Variants in LMBRD1 observed in about 807,000 individuals in gnomAD.
The protein encoded by LMBRD1 is LMBR1 domain containing 1.
A neutral mutation model predicts 74.8 loss-of-function variants in LMBRD1; 64 were observed. That is an observed-to-expected ratio of 0.86 (90% confidence interval 0.70 to 1.05). LMBRD1 has a LOEUF of 1.05. Among genes scored for constraint, LMBRD1 ranks in the 50% least tolerant of loss-of-function variants. The pLI, the probability that LMBRD1 is intolerant of heterozygous loss-of-function variation, is 0.00. For missense variants in LMBRD1, 652 were observed against 645.9 expected (o/e 1.01, Z -0.10); for synonymous variants, 204 against 216.3 (o/e 0.94, Z 0.50).
chr6:69,676,259 C>T lies in LMBRD1; in HGVS notation c.1522G>A (p.Gly508Arg), dbSNP rs970235380. The T allele has an allele frequency of 4.3e-6, 7 of 1,612,776 alleles. No individual in the cohort carries two copies. The highest frequency in any genetic ancestry group is 5.9e-6 in the Non-Finnish European group (7 of 1,179,464). ...CCTTTACAACAGGATACAATTAATC[C>T]AATCAAAAATACCTGTAAATTTAAA... is the stretch of plus-strand genomic sequence containing the variant. The part of the protein sequence containing the change: ...NWAFLGVFLI[G>R]LIVSCCKGKK... The change falls in exon 16 of 16, where the codon GGA becomes AGA. Residue 508 changes from glycine to arginine, a missense_variant. Physicochemically the swap from Gly to Arg is moderately radical, Grantham distance 125. Transcript: ENST00000649934.
chr6:69,706,252 C>T (rs1268945576), intron 9 of LMBRD1: 5 of 300,896 alleles, frequency 1.7e-5, no homozygotes, highest in African/African-American at 1.1e-4. Context: ...AGAATCACAT[C>T]AGGGACTGAT....
intron 3 of LMBRD1, among the ~76,000 whole-genome samples, chr6:69,754,782 A>T (rs780873615): frequency 3.3e-5 from 5 of 152,250 alleles, no homozygotes; most frequent in African/African-American, 4.8e-5. Context: ...TGGGCAAAGG[A>T]TATGAACACT....
intron 7 of LMBRD1, among the ~76,000 whole-genome samples, chr6:69,730,592 C>T (rs985517361): frequency 6.6e-6 from 1 of 152,078 alleles, no homozygotes; most frequent in Admixed American, 6.6e-5. Context: ...AATTTGGTCA[C>T]AGCAAGTTAC....
chr6:69,729,958 A>T (rs1766820138), intron 7 of LMBRD1, among the ~76,000 whole-genome samples: 1 of 151,822 alleles, frequency 6.6e-6, no homozygotes, highest in Non-Finnish European at 1.5e-5. Flanking sequence ...TTCACTTCAG[A>T]CTTTTTTTTT....
At chr6:69,684,993 T>C (rs888076744) in intron 14 of LMBRD1, among the ~76,000 whole-genome samples, 2 of 152,162 alleles carry the variant, frequency 1.3e-5, no homozygotes, top group African/African-American at 4.8e-5. Context: ...GACAAAGATA[T>C]ATTTTCTTAT....
rs933752000 is a variant in LMBRD1, at chr6:69,686,121, A to G, written c.1418-9580T>C. Reference sequence around the variant, plus strand: ...GTATAAGAAATACTTAAGTCAGTATAGTCCAAAGTCTTTATCTAATAGTTT... The same window carrying G: ...GTATAAGAAATACTTAAGTCAGTATGGTCCAAAGTCTTTATCTAATAGTTT... On this transcript the variant is annotated intron_variant, in intron 14 of 15. Coordinates refer to ENST00000649934, the MANE Select transcript of LMBRD1 (RefSeq NM_018368.4). 4.6e-5 allele frequency among the ~76,000 whole-genome samples: 7 copies of G among 152,304 alleles called. No individual in the cohort carries two copies. In the East Asian group the frequency reaches 1.2e-3, roughly 25 times the overall value.
At chr6:69,788,127 T>TG (rs1195649155) in intron 2 of LMBRD1, among the ~76,000 whole-genome samples, 1 of 63,398 alleles carries the variant, frequency 1.6e-5, no homozygotes, top group Non-Finnish European at 4.2e-5. Flanking sequence ...ACTTTAGAAA[T>TG]TTTTTTATTA....
At chr6:69,717,353 T>C (rs572976181) in intron 8 of LMBRD1, among the ~76,000 whole-genome samples, 2 of 152,266 alleles carry the variant, frequency 1.3e-5, no homozygotes, top group African/African-American at 4.8e-5. Context: ...TTGCCAGATA[T>C]ATGCTAAAAG....
rs1340262555 is a variant in LMBRD1 at position 69,788,212 on chromosome 6, C to CA, written c.246+2083dup. ...TGTATAAAGATGAAATGTTTTCCCACAAAATCTAAATAAATCAAACATGCT... is the reference window on the plus strand; with the variant it reads ...TGTATAAAGATGAAATGTTTTCCCACAAAAATCTAAATAAATCAAACATGCT... On this transcript the variant is annotated intron_variant, in intron 2 of 15. Transcript: ENST00000649934. Among the ~76,000 whole-genome samples the CA allele has an allele frequency of 3.3e-5, 5 of 152,100 alleles. No homozygotes were observed. The East Asian group carries it at 9.6e-4, about 29-fold the overall frequency.
chr6:69,686,381 A>G (rs1765764067), intron 14 of LMBRD1, among the ~76,000 whole-genome samples: 1 of 152,178 alleles, frequency 6.6e-6, no homozygotes, highest in Non-Finnish European at 1.5e-5. Context: ...TTCAATAACC[A>G]GCTGCGGTGC....
At chr6:69,683,570 T>C (rs1180794225) in intron 14 of LMBRD1, among the ~76,000 whole-genome samples, 1 of 152,120 alleles carries the variant, frequency 6.6e-6, no homozygotes, top group Non-Finnish European at 1.5e-5. Context: ...ATGGGTTTAC[T>C]ATAATCAAAT....
chr6:69,776,564 C>T (rs113651199), intron 3 of LMBRD1, among the ~76,000 whole-genome samples: 114 of 152,268 alleles, frequency 7.5e-4, no homozygotes, highest in African/African-American at 2.7e-3. Context: ...GATTTGTTAA[C>T]AGAAAGCTCT....
At chr6:69,764,089 C>T (rs911785610) in intron 3 of LMBRD1, among the ~76,000 whole-genome samples, 6 of 152,146 alleles carry the variant, frequency 3.9e-5, no homozygotes, top group Admixed American at 1.3e-4. Context: ...ATGGAATAAA[C>T]GTATTTTGCA....
In LMBRD1 at chr6:69,697,564, T is replaced by C; in HGVS notation, c.1416A>G (p.Glu472=). 6.3e-7 allele frequency: 1 copy of C among 1,595,890 alleles called. No homozygotes were observed. Among genetic ancestry groups the C allele is most frequent in the Non-Finnish European group, 8.6e-7 (1 of 1,164,210 alleles). The change falls in exon 14 of 16, where the codon GAA becomes GAG. Residue 472 remains glutamate, a splice_region_variant and synonymous_variant. Transcript: ENST00000649934. ...AGTTCTAAAACAAGCTGTTTTTACCTTCAGGAGCATCTGCATCACATCTCT... is the reference window on the plus strand; with the variant it reads ...AGTTCTAAAACAAGCTGTTTTTACCCTCAGGAGCATCTGCATCACATCTCT... ...VPKRCDADAP[E]DQCTVTRTYL...
chr6:69,761,410 T>C (rs573459108), intron 3 of LMBRD1, among the ~76,000 whole-genome samples: 1 of 152,170 alleles, frequency 6.6e-6, no homozygotes, highest in Non-Finnish European at 1.5e-5. Context: ...AAGAATCACA[T>C]TCCAATGTAT....
chr6:69,682,899 G>A (rs1188440462), intron 14 of LMBRD1, among the ~76,000 whole-genome samples: 2 of 152,082 alleles, frequency 1.3e-5, no homozygotes, highest in African/African-American at 4.8e-5. Context: ...TGGGAATTTA[G>A]AGAGAAATTT....
chr6:69,790,099 G>A (rs866984506), intron 2 of LMBRD1, among the ~76,000 whole-genome samples, 197 bp downstream of exon 2: 3 of 152,222 alleles, frequency 2.0e-5, no homozygotes, highest in Non-Finnish European at 4.4e-5. Context: ...TTGCAGGGCG[G>A]CTGAATTAAT....
chr6:69,676,972 C>T (rs1334751861), intron 14 of LMBRD1, among the ~76,000 whole-genome samples: 1 of 152,112 alleles, frequency 6.6e-6, no homozygotes, highest in African/African-American at 2.4e-5. Flanking sequence ...GCAGAAAGGT[C>T]TAATACCTTT....
intron 3 of LMBRD1, 97 bp downstream of exon 3, chr6:69,780,397 G>T: frequency 6.8e-6 from 6 of 887,906 alleles, no homozygotes; most frequent in Admixed American, 1.8e-5. Context: ...TTTCTAATTC[G>T]ACCCAAGAGG....
Sources: allele counts gnomAD v4.1 joint callset (sites outside exome capture counted in the v4.1 genomes callset), GRCh38; gene constraint gnomAD v4.1.1; transcripts MANE v1.5; gene names NCBI Gene and HGNC (gene_info 2026-07-23, HGNC 2026-07-21).